Variants in GDI2 observed in about 807,000 individuals in gnomAD.
GDI2 encodes GDP dissociation inhibitor 2.
GDI2 carries 22 observed loss-of-function variants against 54.2 expected under a neutral mutation model. The ratio of observed to expected loss-of-function variants is 0.41; its 90% CI spans 0.29 to 0.58. The LOEUF is 0.58. GDI2 is among the 20% of genes least tolerant of loss of function. The pLI is 0.35. For synonymous variants in GDI2, 177 were observed against 182.1 expected (o/e 0.97, Z 0.23); for missense variants, 422 against 546.0 (o/e 0.77, Z 2.26).
intron 2 of GDI2, 28 bp from the exon 3 acceptor site, chr10:5,796,890 A>C (rs977341310): frequency 9.0e-7 from 1 of 1,106,028 alleles, no homozygotes; most frequent in Non-Finnish European, 1.4e-6. Context: ...CATAGCCATA[A>C]TGTTAACAAA....
chr10:5,785,806 G>C (rs1025506330), intron 5 of GDI2, 46 bp downstream of exon 5: 7 of 1,152,470 alleles, frequency 6.1e-6, no homozygotes, highest in Non-Finnish European at 7.7e-6. Flanking sequence ...GGGAAATTTA[G>C]TGAGAATTTC....
chr10:5,791,454 T>C (rs904852556), intron 4 of GDI2, among the ~76,000 whole-genome samples: 1 of 151,520 alleles, frequency 6.6e-6, no homozygotes, highest in Non-Finnish European at 1.5e-5. Flanking sequence ...TACTAAAACA[T>C]ACAAAAATTA....
rs1391586397 is a variant in GDI2, at chr10:5,795,133, A to C, written c.254-114T>G. On this transcript the variant is annotated intron_variant, in intron 3 of 10. Transcript: ENST00000380191. ...TAACGATGTTCAATAACTCCAACAA[A>C]ATAATTTTTTTTTGAGACACAGTCT... is the stretch of plus-strand genomic sequence containing the variant. 5.9e-6 allele frequency: 4 copies of C among 679,488 alleles called. No individual in the cohort carries two copies. The African/African-American group carries it at 7.3e-5, about 12-fold the overall frequency. The allele number at this position is 679,488 out of a possible 1,614,324, so 42.1% of individuals were successfully genotyped here.
chr10:5,802,020 TAA>T (rs1334514126), intron 1 of GDI2, among the ~76,000 whole-genome samples: 1 of 152,016 alleles, frequency 6.6e-6, no homozygotes, highest in Admixed American at 6.6e-5. Context: ...AAAGAATTAA[TAA>T]AGTTATTTAA....
chr10:5,796,690 C>G, intron 3 of GDI2, 73 bp downstream of exon 3: 1 of 799,982 alleles, frequency 1.3e-6, no homozygotes, highest in Non-Finnish European at 2.2e-6. Flanking sequence ...GAATAGTACT[C>G]TGTCAAAAGT....
chr10:5,774,720 G>C lies in GDI2; in HGVS notation c.720-779C>G, dbSNP rs11592260. Among the ~76,000 whole-genome samples, 895 of 152,238 alleles carry C rather than the reference G, an allele frequency of 5.9e-3. 11 individuals are homozygous for C. The highest frequency in any genetic ancestry group is 0.041 in the Middle Eastern group (12 of 294). On this transcript the variant is annotated intron_variant, in intron 6 of 10. Coordinates refer to ENST00000380191, the MANE Select transcript of GDI2 (RefSeq NM_001494.4). The surrounding 1 kb of genome is among the most constrained non-coding windows in gnomAD (Gnocchi z 4.8). ...GTGAGGCTAAAGCCTAAAGCCATGC[G>C]ATGTCTGGGTTTTACTCTGCTTCTT...
intron 3 of GDI2, among the ~76,000 whole-genome samples, chr10:5,796,232 C>A (rs964889401): frequency 9.2e-5 from 14 of 152,104 alleles, no homozygotes; most frequent in African/African-American, 3.1e-4. Context: ...CACCTGTAAT[C>A]CCAGCTACTT....
At chr10:5,800,824 T>C in intron 1 of GDI2, 119 bp from the exon 2 acceptor site, 1 of 672,156 alleles carries the variant, frequency 1.5e-6, no homozygotes, top group South Asian at 1.7e-5. Flanking sequence ...TCATGCAACA[T>C]GACATAATTT....
rs1393500613 is a variant in GDI2, at chr10:5,786,005, A to G, written c.434T>C (p.Val145Ala). 3.7e-6 allele frequency: 6 copies of G among 1,613,930 alleles called. No individual in the cohort carries two copies. The highest frequency in any genetic ancestry group is 1.1e-5 in the South Asian group (1 of 91,070). ...FEKRRFRKFL[V>A]YVANFDEKDP... ...TTTTTCATCGAAGTTGGCAACATACACTAGGAATTTCCTGAAGCGACGTTT... is the reference window on the plus strand; with the variant it reads ...TTTTTCATCGAAGTTGGCAACATACGCTAGGAATTTCCTGAAGCGACGTTT... Residue 145 changes from valine (V) to alanine (A), a missense_variant, in exon 5 of 11, where the codon GTG (valine) becomes GCG (alanine). By Grantham distance (64) the Val-to-Ala change is moderately conservative (BLOSUM62 0). Coordinates refer to ENST00000380191, the MANE Select transcript of GDI2 (RefSeq NM_001494.4).
intron 3 of GDI2, among the ~76,000 whole-genome samples, chr10:5,796,221 G>C (rs979684895): frequency 6.6e-6 from 1 of 151,578 alleles, no homozygotes; most frequent in Non-Finnish European, 1.5e-5. Context: ...GTGGTGGCAC[G>C]CACCTGTAAT....
chr10:5,778,456 A>G (rs900360457), intron 6 of GDI2, among the ~76,000 whole-genome samples: 3 of 152,226 alleles, frequency 2.0e-5, no homozygotes, highest in Non-Finnish European at 4.4e-5. Flanking sequence ...TAAGTTGTGT[A>G]AGAGACACAC....
chr10:5,780,272 TTAA>T (rs925565954), intron 6 of GDI2, among the ~76,000 whole-genome samples: 2 of 145,646 alleles, frequency 1.4e-5, no homozygotes, highest in African/African-American at 2.5e-5. Context: ...ATAAGTGAAC[TTAA>T]TGTGACAAAA....
At chr10:5,790,699 A>G (rs1364373229) in intron 4 of GDI2, among the ~76,000 whole-genome samples, 1 of 152,176 alleles carries the variant, frequency 6.6e-6, no homozygotes, top group Non-Finnish European at 1.5e-5. Context: ...CTACTTAGCT[A>G]TTTATGTTAT....
At chr10:5,790,674 A>G (rs1449451898) in intron 4 of GDI2, among the ~76,000 whole-genome samples, 1 of 152,122 alleles carries the variant, frequency 6.6e-6, no homozygotes, top group Non-Finnish European at 1.5e-5. Flanking sequence ...CACATACAAA[A>G]TAAATGTTAA....
In GDI2 at chr10:5,796,764, A is replaced by G. The variant is rs1265252409; in HGVS notation, c.252T>C (p.Asn84=). The part of the protein sequence containing the change: ...VDLIPKFLMA[N]GQLVKMLLYT... ...AAATTTAAGTTAGAAATTCTTTACC[A>G]TTAGCCATAAGGAACTTGGGAATCA... Residue 84 remains asparagine (N), a splice_region_variant and synonymous_variant, in exon 3 of 11, where the codon AAT becomes AAC. Coordinates refer to ENST00000380191, the MANE Select transcript of GDI2 (RefSeq NM_001494.4). The G allele has an allele frequency of 1.4e-6, 2 of 1,392,582 alleles. No individual in the cohort carries two copies. Among genetic ancestry groups the G allele is most frequent in the Non-Finnish European group, 2.0e-6 (2 of 979,158 alleles). The allele number at this position is 1,392,582 out of a possible 1,614,324, so 86.3% of individuals were successfully genotyped here.
At position 5,765,634 on chromosome 10, in the gene GDI2, G is replaced by A. The variant is rs1840301262; in HGVS notation, c.*372C>T. On this transcript the variant is annotated 3_prime_UTR_variant, in exon 11 of 11. Coordinates refer to ENST00000380191, the MANE Select transcript of GDI2 (RefSeq NM_001494.4). ...CAATTTAGAATCTCCTGAACCTCAA[G>A]AGGACAGATGACACACAACCTGTAT... is the stretch of plus-strand genomic sequence containing the variant. The A allele has an allele frequency of 6.1e-6, 1 of 165,216 alleles. No individual in the cohort carries two copies. The allele number at this position is 165,216 out of a possible 1,614,324, so 10.2% of individuals were successfully genotyped here. A position where few individuals can be genotyped will look rare whatever the true frequency, so the allele number is the denominator to read the frequency against.
intron 4 of GDI2, among the ~76,000 whole-genome samples, chr10:5,793,044 G>T (rs1013438773): frequency 6.6e-6 from 1 of 151,888 alleles, no homozygotes; most frequent in Non-Finnish European, 1.5e-5. Flanking sequence ...ACCCAGGTTG[G>T]AGCGCAGTGA....
intron 7 of GDI2, 75 bp downstream of exon 7, chr10:5,773,767 C>G (rs1214273589): frequency 1.3e-6 from 1 of 743,440 alleles, no homozygotes; most frequent in Admixed American, 2.3e-5. Flanking sequence ...AGTGTCCACA[C>G]CAAAATCAAT....
intron 4 of GDI2, 27 bp downstream of exon 4, chr10:5,794,858 G>GTTACTAGAGAAAATAAAACTAC: frequency 6.7e-7 from 1 of 1,494,802 alleles, no homozygotes; most frequent in South Asian, 1.1e-5. Flanking sequence ...AATAAAACTA[G>GTTACTAGAGAAAATAAAACTAC]TTACTAGAGA....
Sources: allele counts gnomAD v4.1 joint callset (sites outside exome capture counted in the v4.1 genomes callset), GRCh38; gene constraint gnomAD v4.1.1; non-coding constraint Gnocchi (gnomAD v3.1); transcripts MANE v1.5; gene names NCBI Gene and HGNC (gene_info 2026-07-23, HGNC 2026-07-21).